The following DNM3 variants were observed in gnomAD, a reference collection of about 807,000 sequenced individuals.
The protein encoded by DNM3 is dynamin-3.
Under a neutral mutation model 101.6 loss-of-function variants are expected in DNM3, and 47 were observed. The ratio of observed to expected loss-of-function variants is 0.46; its 90% CI spans 0.37 to 0.59. The LOEUF is 0.59. Among genes scored for constraint, DNM3 ranks in the 20% least tolerant of loss-of-function variants. The pLI is 0.00. For synonymous variants in DNM3, 385 were observed against 387.9 expected (o/e 0.99, Z 0.09); for missense variants, 849 against 1,085.7 (o/e 0.78, Z 3.06).
chr1:172,348,030 A>T (rs374658365), intron 17 of DNM3, among the ~76,000 whole-genome samples: 105 of 152,206 alleles, frequency 6.9e-4, no homozygotes, highest in African/African-American at 2.5e-3. Context: ...ATATAGATGC[A>T]ATAAAACCAT....
chr1:172,098,848 G>T lies in DNM3; in HGVS notation c.1545+5973G>T, dbSNP rs143296579. Among the ~76,000 whole-genome samples, 420 of 152,324 alleles carry T rather than the reference G, an allele frequency of 2.8e-3. 5 individuals carry two copies. The highest frequency in any genetic ancestry group is 9.8e-3 in the African/African-American group (407 of 41,574). On this transcript the variant is annotated intron_variant, in intron 13 of 20. Transcript: ENST00000627582. The stretch of plus-strand genomic sequence containing the variant: ...AGCTAAAGGGAGAGAATGTTTCAAG[G>T]AGGGAATAGTCAATAGTTAGATGTT...
At chr1:172,288,726 C>G (rs113024968) in intron 15 of DNM3, among the ~76,000 whole-genome samples, 83 of 152,250 alleles carry the variant, frequency 5.5e-4, no homozygotes, top group African/African-American at 1.9e-3. Context: ...ACAAGCATCT[C>G]TTTGGAAGAA....
At chr1:172,179,590 A>G (rs761049752) in intron 14 of DNM3, among the ~76,000 whole-genome samples, 1 of 151,908 alleles carries the variant, frequency 6.6e-6, no homozygotes, top group Non-Finnish European at 1.5e-5. Context: ...AGAAAAATGT[A>G]TACAGGCAAT....
intron 4 of DNM3, among the ~76,000 whole-genome samples, chr1:172,020,186 A>G (rs1215795746): frequency 6.6e-6 from 1 of 152,124 alleles, no homozygotes; most frequent in African/African-American, 2.4e-5. Flanking sequence ...CATGTCTTTT[A>G]GTGAGCCTGT....
intron 15 of DNM3, among the ~76,000 whole-genome samples, chr1:172,274,860 A>C (rs917147850): frequency 1.3e-5 from 2 of 151,944 alleles, no homozygotes; most frequent in Non-Finnish European, 2.9e-5. Flanking sequence ...TAAACACTTG[A>C]ACAAGACAGA....
intron 13 of DNM3, among the ~76,000 whole-genome samples, chr1:172,114,816 G>A (rs1195603829): frequency 6.6e-6 from 1 of 152,186 alleles, no homozygotes; most frequent in Admixed American, 6.5e-5. Flanking sequence ...CTCCTTAGGA[G>A]TGTTGCTTAT....
Position 172,409,084 on chromosome 1 carries a change from AAT to A in DNM3, c.*1245_*1246del, listed in dbSNP as rs2149132725. ...ACCAGAACAGTTTAGCCTGGGGGTT[AAT>A]AGTTAAGTCTTGAGGCTAAGTTTTG... On this transcript the variant is annotated 3_prime_UTR_variant, in exon 21 of 21. Coordinates refer to ENST00000627582, the MANE Select transcript of DNM3 (RefSeq NM_015569.5). The A allele has an allele frequency of 1.0e-6, 1 of 985,364 alleles. No individual in the cohort carries two copies. Among genetic ancestry groups the A allele is most frequent in the East Asian group, 1.1e-4 (1 of 8,816 alleles). 61.0% of individuals were successfully genotyped at this position (985,364 alleles called of 1,614,324 possible).
chr1:172,227,271 G>GAGATATATATATATAT (rs1553200054), intron 14 of DNM3, among the ~76,000 whole-genome samples: 6 of 78,030 alleles, frequency 7.7e-5, no homozygotes, highest in African/African-American at 2.4e-4. Context: ...AGTATTTTGT[G>GAGATATATATATATAT]ATATATATAT....
At chr1:171,928,748 G>GATT (rs2040776611) in intron 2 of DNM3, among the ~76,000 whole-genome samples, 1 of 152,200 alleles carries the variant, frequency 6.6e-6, no homozygotes, top group South Asian at 2.1e-4. Flanking sequence ...AGCTGCTACT[G>GATT]GCTTGATTGC....
At chr1:171,921,843 C>A in intron 2 of DNM3, 22 bp downstream of exon 2, 1 of 1,580,162 alleles carries the variant, frequency 6.3e-7, no homozygotes, top group Non-Finnish European at 8.6e-7. Context: ...AGATGTTTAC[C>A]GCATGGATGG....
chr1:171,906,138 T>C (rs901808551), intron 1 of DNM3, among the ~76,000 whole-genome samples: 1 of 151,802 alleles, frequency 6.6e-6, no homozygotes, highest in Admixed American at 6.6e-5. Flanking sequence ...TTTTTTTTTT[T>C]TTTTTTTGAG....
intron 14 of DNM3, among the ~76,000 whole-genome samples, chr1:172,253,124 T>C (rs942869755): frequency 1.3e-5 from 2 of 152,138 alleles, no homozygotes; most frequent in Admixed American, 1.3e-4. Context: ...ATGAAATCCA[T>C]CTGGCATTTC....
intron 20 of DNM3, among the ~76,000 whole-genome samples, chr1:172,391,393 T>C (rs1235406180): frequency 2.0e-5 from 3 of 152,136 alleles, no homozygotes; most frequent in Admixed American, 6.5e-5. Flanking sequence ...AGGATCCCCA[T>C]GCCTGTTAAA....
chr1:171,852,490 G>C (rs1228452083), intron 1 of DNM3, among the ~76,000 whole-genome samples: 2 of 152,202 alleles, frequency 1.3e-5, no homozygotes, highest in African/African-American at 4.8e-5. Context: ...CAAAGAGCTT[G>C]GTGATCCAGT....
At chr1:172,308,871 A>G (rs1230521399) in intron 16 of DNM3, 32 bp downstream of exon 16, 1 of 1,287,232 alleles carries the variant, frequency 7.8e-7, no homozygotes, top group South Asian at 1.3e-5. Flanking sequence ...TGTAAAAATT[A>G]TTATTAGCTA....
intron 2 of DNM3, among the ~76,000 whole-genome samples, chr1:171,952,143 A>T (rs1489497845): frequency 6.6e-6 from 1 of 152,188 alleles, no homozygotes; most frequent in Non-Finnish European, 1.5e-5. Flanking sequence ...CTTCAGAGAG[A>T]AGAGATGGCA....
At chr1:172,058,119 G>A (rs1231191544) in intron 10 of DNM3, among the ~76,000 whole-genome samples, 1 of 133,614 alleles carries the variant, frequency 7.5e-6, no homozygotes, top group Non-Finnish European at 1.6e-5. Context: ...TAATGGTAAA[G>A]GGATCAACTC....
chr1:172,004,698 A>G (rs543373286), intron 4 of DNM3, among the ~76,000 whole-genome samples: 3 of 151,914 alleles, frequency 2.0e-5, no homozygotes, highest in East Asian at 3.9e-4. Context: ...TTTAATCTCT[A>G]CTCTTTTCCT....
intron 9 of DNM3, among the ~76,000 whole-genome samples, chr1:172,045,598 C>T (rs1037341997): frequency 2.0e-5 from 3 of 152,138 alleles, no homozygotes; most frequent in Admixed American, 6.5e-5. Flanking sequence ...ATTCAGTTCA[C>T]AACAATTTCT....
Sources: gnomAD v4.1 joint callset for allele counts (sites outside exome capture counted in the v4.1 genomes callset) on GRCh38, gnomAD v4.1.1 for gene constraint, MANE v1.5 for transcripts, NCBI Gene and HGNC (gene_info 2026-07-23, HGNC 2026-07-21) for gene names.